Variants in RASAL2 observed in about 807,000 individuals in gnomAD.
RASAL2 encodes the protein RAS protein activator like 2, also known as ras GTPase-activating protein nGAP.
In RASAL2, 58 loss-of-function variants were observed where a neutral mutation model predicts 128.9. The observed-to-expected ratio is 0.45, with a 90% CI of 0.36 to 0.56. The LOEUF is 0.56. RASAL2 is among the 20% of genes least tolerant of loss of function. The probability of loss-of-function intolerance (pLI) is 0.00; values close to 1 mark genes in which losing one functional copy is unlikely to be tolerated. For synonymous variants in RASAL2, 561 were observed against 580.8 expected (o/e 0.97, Z 0.49); for missense variants, 1,360 against 1,601.6 (o/e 0.85, Z 2.57).
chr1:178,204,197 T>A (rs1046279428), intron 1 of RASAL2, among the ~76,000 whole-genome samples: 3 of 152,260 alleles, frequency 2.0e-5, no homozygotes, highest in African/African-American at 7.2e-5. Context: ...CTTTATGTAA[T>A]AACATTTGGG....
chr1:178,262,069 C>G (rs1470429686), intron 1 of RASAL2, among the ~76,000 whole-genome samples: 7 of 151,920 alleles, frequency 4.6e-5, no homozygotes, highest in African/African-American at 1.7e-4. Flanking sequence ...TTTTTGGTGT[C>G]ATTATATTAA....
chr1:178,114,077 GT>G (rs1659439994), intron 1 of RASAL2, among the ~76,000 whole-genome samples: 1 of 150,200 alleles, frequency 6.7e-6, no homozygotes, highest in Non-Finnish European at 1.5e-5. Context: ...TTTTTGTTTT[GT>G]TTTGTTTTTT....
At chr1:178,434,078 C>T (rs1676101259) in intron 5 of RASAL2, among the ~76,000 whole-genome samples, 1 of 152,046 alleles carries the variant, frequency 6.6e-6, no homozygotes, top group Non-Finnish European at 1.5e-5. Flanking sequence ...TGGTATGTTA[C>T]TTGAGTTGGA....
intron 1 of RASAL2, among the ~76,000 whole-genome samples, chr1:178,204,720 TCAAAG>T (rs1469511124): frequency 1.3e-5 from 2 of 152,200 alleles, no homozygotes; most frequent in East Asian, 1.9e-4. Context: ...ACAGAAAGAA[TCAAAG>T]CAATGTATGA....
chr1:178,165,670 C>A (rs1661495632), intron 1 of RASAL2, among the ~76,000 whole-genome samples: 1 of 152,112 alleles, frequency 6.6e-6, no homozygotes, highest in Non-Finnish European at 1.5e-5. Context: ...TTTATTGAGT[C>A]AACTTTTAGA....
intron 3 of RASAL2, among the ~76,000 whole-genome samples, chr1:178,316,798 A>G: frequency 2.6e-5 from 2 of 75,944 alleles, no homozygotes; most frequent in African/African-American, 1.1e-4. Flanking sequence ...TCTCCTGTCT[A>G]ATTGCCCTGG....
At chr1:178,447,216 G>A (rs911943181) in intron 9 of RASAL2, among the ~76,000 whole-genome samples, 11 of 152,024 alleles carry the variant, frequency 7.2e-5, no homozygotes, top group Non-Finnish European at 1.3e-4. Flanking sequence ...CAGCTACTCA[G>A]GAGGCCAAGG....
At chr1:178,415,548 G>A (rs1175443348) in intron 4 of RASAL2, among the ~76,000 whole-genome samples, 1 of 151,992 alleles carries the variant, frequency 6.6e-6, no homozygotes, top group African/African-American at 2.4e-5. Context: ...TGCTGTTGTT[G>A]GATAAAGTAG....
intron 1 of RASAL2, among the ~76,000 whole-genome samples, chr1:178,102,447 C>T (rs892007724): frequency 1.3e-5 from 2 of 152,160 alleles, no homozygotes; most frequent in African/African-American, 2.4e-5. Context: ...TTATCCATTG[C>T]CTGGGTTCAG....
At chr1:178,134,296 AG>A (rs1235280201) in intron 1 of RASAL2, among the ~76,000 whole-genome samples, 1 of 151,942 alleles carries the variant, frequency 6.6e-6, no homozygotes, top group Non-Finnish European at 1.5e-5. Context: ...ACCTCTCTGT[AG>A]AGCTGTTTGG....
Position 178,388,182 on chromosome 1 carries a change from TC to T in RASAL2, c.458-1917del, listed in dbSNP as rs1000195229. ...ATTAGAGGAAAGGTGAGATTTTTTT[TC>T]TACCTTCACCAGCCCCATTCCCTGC... On this transcript the variant is annotated intron_variant, in intron 3 of 17. Transcript: ENST00000367649. Among the ~76,000 whole-genome samples the T allele has an allele frequency of 3.5e-4, 53 of 152,314 alleles. 1 individual carries two copies. Among genetic ancestry groups the T allele is most frequent in the African/African-American group, 1.2e-3 (51 of 41,578 alleles).
chr1:178,130,418 A>G (rs549867383), intron 1 of RASAL2, among the ~76,000 whole-genome samples: 2 of 152,360 alleles, frequency 1.3e-5, no homozygotes, highest in South Asian at 4.1e-4. Flanking sequence ...TGATGTTTGA[A>G]GGAGCATGTT....
rs937124101 is a variant in RASAL2, at chr1:178,216,231, G to A, written c.203-67333G>A. Reference sequence around the variant, plus strand: ...GTCTTCAATTTGTGTTAAATATGAAGAGTTATAAATCAGATATGAAAATCC... The same window carrying A: ...GTCTTCAATTTGTGTTAAATATGAAAAGTTATAAATCAGATATGAAAATCC... On this transcript the variant is annotated intron_variant, in intron 1 of 17. Transcript: ENST00000367649. 2.6e-5 allele frequency among the ~76,000 whole-genome samples: 4 copies of A among 152,252 alleles called. No individual in the cohort carries two copies. In the East Asian group the frequency reaches 7.7e-4, roughly 29 times the overall value.
intron 3 of RASAL2, among the ~76,000 whole-genome samples, chr1:178,302,972 G>A (rs1321414224): frequency 6.6e-6 from 1 of 151,864 alleles, no homozygotes; most frequent in Non-Finnish European, 1.5e-5. Flanking sequence ...AGCCAAGATT[G>A]AGCCACTGCA....
intron 1 of RASAL2, among the ~76,000 whole-genome samples, chr1:178,106,920 C>T (rs920301032): frequency 6.6e-6 from 1 of 152,172 alleles, no homozygotes; most frequent in Non-Finnish European, 1.5e-5. Flanking sequence ...TATCTATTAG[C>T]TGATCATCTT....
intron 1 of RASAL2, among the ~76,000 whole-genome samples, chr1:178,273,577 A>G (rs959877056): frequency 2.6e-5 from 4 of 152,194 alleles, no homozygotes; most frequent in African/African-American, 7.2e-5. Context: ...TGGATTACGT[A>G]TAGGGGTTTA....
Position 178,094,687 on chromosome 1 carries a change from G to C in RASAL2, c.195G>C (p.Arg65=), listed in dbSNP as rs756453134. ...ESVCQQQSWV[R]VYDVKGPPTH... is the part of the protein sequence containing the mutation. Reference sequence around the variant, plus strand: ...TGTGCCAGCAACAGAGCTGGGTCCGGGTGTACGGTAAGGACCACAGGCCGT... The same window carrying C: ...TGTGCCAGCAACAGAGCTGGGTCCGCGTGTACGGTAAGGACCACAGGCCGT... Residue 65 remains arginine, a synonymous_variant, in exon 1 of 18, where the codon CGG becomes CGC. Coordinates refer to ENST00000367649, the MANE Select transcript of RASAL2 (RefSeq NM_170692.4). 2 of 1,614,086 alleles carry C rather than the reference G, an allele frequency of 1.2e-6. No individual in the cohort carries two copies. Among genetic ancestry groups the C allele is most frequent in the Non-Finnish European group, 1.7e-6 (2 of 1,180,042 alleles).
At chr1:178,254,669 C>G (rs1335860091) in intron 1 of RASAL2, among the ~76,000 whole-genome samples, 1 of 152,148 alleles carries the variant, frequency 6.6e-6, no homozygotes, top group African/African-American at 2.4e-5. Flanking sequence ...ACACAAGGCT[C>G]CATCTTTCCT....
chr1:178,380,410 A>T (rs527475712), intron 3 of RASAL2, among the ~76,000 whole-genome samples: 1 of 152,336 alleles, frequency 6.6e-6, no homozygotes, highest in African/African-American at 2.4e-5. Flanking sequence ...GGTTGAATTT[A>T]ATTCCATGTG....
Sources: gnomAD v4.1 joint callset for allele counts (sites outside exome capture counted in the v4.1 genomes callset) on GRCh38, gnomAD v4.1.1 for gene constraint, MANE v1.5 for transcripts, NCBI Gene and HGNC (gene_info 2026-07-23, HGNC 2026-07-21) for gene names.